GRID2: variants seen among roughly 807,000 people sequenced by gnomAD.
GRID2 encodes the protein glutamate receptor ionotropic, delta-2.
Under a neutral mutation model 114.8 loss-of-function variants are expected in GRID2, and 33 were observed. The ratio of observed to expected loss-of-function variants is 0.29; its 90% CI spans 0.22 to 0.38. GRID2 has a LOEUF of 0.38. GRID2 is among the 10% of genes least tolerant of loss of function. GRID2 has a pLI of 1.00. For missense variants in GRID2, 1,184 were observed against 1,257.7 expected, an observed-to-expected ratio of 0.94 and a Z score of 0.89; for synonymous variants, 505 against 449.9, an observed-to-expected ratio of 1.12 and a Z score of -1.55.
In GRID2 at chr4:92,569,504, G is replaced by T. The variant is rs946334989; in HGVS notation, c.89-20627G>T. Among the ~76,000 whole-genome samples, 25 of 152,092 alleles carry T rather than the reference G, an allele frequency of 1.6e-4. 1 individual carries two copies. Among genetic ancestry groups the T allele is most frequent in the African/African-American group, 5.8e-4 (24 of 41,494 alleles). Reference sequence around the variant, plus strand: ...TATATACCCAGTAGTGAGAGTGTTGGGTTAAATGGTATTTCTGTCTCTAGG... The same window carrying T: ...TATATACCCAGTAGTGAGAGTGTTGTGTTAAATGGTATTTCTGTCTCTAGG... On this transcript the variant is annotated intron_variant, in intron 1 of 15. Transcript: ENST00000282020.
chr4:93,428,772 A>G (rs1769115369), intron 10 of GRID2, among the ~76,000 whole-genome samples: 1 of 152,202 alleles, frequency 6.6e-6, no homozygotes, highest in Admixed American at 6.5e-5. Context: ...TGACTTGACA[A>G]TATTATTTTA....
chr4:93,746,323 G>A (rs1731838432), intron 14 of GRID2, among the ~76,000 whole-genome samples: 1 of 152,094 alleles, frequency 6.6e-6, no homozygotes, highest in South Asian at 2.1e-4. Flanking sequence ...CTCTTAATGA[G>A]TAGTTCTACT....
intron 1 of GRID2, among the ~76,000 whole-genome samples, chr4:92,508,718 T>C (rs115870012): frequency 0.017 from 2,551 of 151,724 alleles, 73 homozygotes; most frequent in African/African-American, 0.059. Context: ...AGTAAGGAGG[T>C]TGGATTTCAT....
In GRID2 at chr4:93,634,328, C is replaced by T. The variant is rs916253646; in HGVS notation, c.2360+7893C>T. On this transcript the variant is annotated intron_variant, in intron 14 of 15. Coordinates refer to ENST00000282020, the MANE Select transcript of GRID2 (RefSeq NM_001510.4). The stretch of plus-strand genomic sequence containing the variant: ...GAGAGATTCACATAAATAAAAACGG[C>T]CATCATGTGTTGAAAGGATGATGAG... Among the ~76,000 whole-genome samples the T allele has an allele frequency of 2.0e-5, 3 of 152,014 alleles. No homozygotes were observed. The East Asian group carries it at 5.8e-4, about 29-fold the overall frequency.
intron 1 of GRID2, among the ~76,000 whole-genome samples, chr4:92,479,642 T>C (rs1335871056): frequency 1.3e-5 from 2 of 152,174 alleles, no homozygotes; most frequent in African/African-American, 4.8e-5. Flanking sequence ...AAGAGATAGT[T>C]ATAAAGTTGC....
chr4:93,721,262 T>C (rs1729345113), intron 14 of GRID2, among the ~76,000 whole-genome samples: 2 of 152,068 alleles, frequency 1.3e-5, no homozygotes, highest in Non-Finnish European at 2.9e-5. Flanking sequence ...TATTAAATAG[T>C]CAAAAAGGGA....
chr4:92,422,983 T>C (rs1560620352), intron 1 of GRID2, among the ~76,000 whole-genome samples: 2 of 152,130 alleles, frequency 1.3e-5, no homozygotes, highest in Non-Finnish European at 2.9e-5. Context: ...ACTGTCTCAG[T>C]CATAATTTTG....
In GRID2 at chr4:92,504,920, A is replaced by G. The variant is rs1723878302; in HGVS notation, c.89-85211A>G. On this transcript the variant is annotated intron_variant, in intron 1 of 15. Coordinates refer to ENST00000282020, the MANE Select transcript of GRID2 (RefSeq NM_001510.4). The stretch of plus-strand genomic sequence containing the variant: ...TTCCAATATAAATATTTATACTAGA[A>G]AATAAAATTGTACTTGTTTTGTACC... Among the ~76,000 whole-genome samples the G allele has an allele frequency of 2.6e-5, 4 of 152,092 alleles. No individual in the cohort carries two copies. The South Asian group carries it at 8.3e-4, about 31-fold the overall frequency.
chr4:92,513,359 T>A (rs1473948843), intron 1 of GRID2, among the ~76,000 whole-genome samples: 1 of 151,838 alleles, frequency 6.6e-6, no homozygotes, highest in Non-Finnish European at 1.5e-5. Context: ...CACACCATGT[T>A]CTGCTTAATT....
chr4:92,373,026 A>G lies in GRID2; in HGVS notation c.88+68282A>G, dbSNP rs149125847. Among the ~76,000 whole-genome samples, 425 of 152,286 alleles carry G rather than the reference A, an allele frequency of 2.8e-3. 2 individuals are homozygous for G. The highest frequency in any genetic ancestry group is 9.9e-3 in the African/African-American group (412 of 41,564). Reference sequence around the variant, plus strand: ...CATTGCAACAAAGGAAACTAACACAAATGAAGAATAGGTGCTTCAGCCAGA... The same window carrying G: ...CATTGCAACAAAGGAAACTAACACAGATGAAGAATAGGTGCTTCAGCCAGA... On this transcript the variant is annotated intron_variant, in intron 1 of 15. Coordinates refer to ENST00000282020, the MANE Select transcript of GRID2 (RefSeq NM_001510.4).
At chr4:93,266,814 T>C (rs1389542284) in intron 8 of GRID2, among the ~76,000 whole-genome samples, 2 of 152,106 alleles carry the variant, frequency 1.3e-5, no homozygotes, top group African/African-American at 2.4e-5. Context: ...TAGTGTTGGG[T>C]TTTGGAGATA....
At chr4:93,580,070 G>A (rs1736808867) in intron 13 of GRID2, among the ~76,000 whole-genome samples, 3 of 152,148 alleles carry the variant, frequency 2.0e-5, no homozygotes, top group Admixed American at 6.6e-5. Flanking sequence ...TTTGTAGAAG[G>A]CACATAACAG....
At chr4:92,546,003 G>T (rs189665157) in intron 1 of GRID2, among the ~76,000 whole-genome samples, 1 of 152,182 alleles carries the variant, frequency 6.6e-6, no homozygotes, top group African/African-American at 2.4e-5. Flanking sequence ...CTTTTAAAAT[G>T]CTGCTCTTTT....
intron 2 of GRID2, among the ~76,000 whole-genome samples, chr4:92,770,824 A>G (rs1738505254): frequency 6.6e-6 from 1 of 152,210 alleles, no homozygotes; most frequent in South Asian, 2.1e-4. Context: ...TTACAACTCA[A>G]GATAAGATTT....
At chr4:92,815,059 T>C (rs939051932) in intron 2 of GRID2, among the ~76,000 whole-genome samples, 2 of 152,190 alleles carry the variant, frequency 1.3e-5, no homozygotes, top group African/African-American at 4.8e-5. Context: ...TGGCACAATA[T>C]ACTTGTTTAT....
chr4:92,436,207 G>A (rs1401195375), intron 1 of GRID2, among the ~76,000 whole-genome samples: 1 of 152,108 alleles, frequency 6.6e-6, no homozygotes, highest in African/African-American at 2.4e-5. Context: ...ATGGCAATGT[G>A]TACAGGTAAC....
At chr4:92,431,829 T>C (rs1358090713) in intron 1 of GRID2, among the ~76,000 whole-genome samples, 1 of 152,226 alleles carries the variant, frequency 6.6e-6, no homozygotes, top group Admixed American at 6.5e-5. Context: ...AGGTATTTAT[T>C]GTAGTGTTCA....
chr4:92,478,486 C>T (rs1722424513), intron 1 of GRID2, among the ~76,000 whole-genome samples: 1 of 152,044 alleles, frequency 6.6e-6, no homozygotes, highest in African/African-American at 2.4e-5. Context: ...TAAAGCTGGT[C>T]ATGCATTTTT....
intron 2 of GRID2, among the ~76,000 whole-genome samples, chr4:92,646,888 C>CTTT (rs33921659): frequency 2.0e-3 from 114 of 55,912 alleles, no homozygotes; most frequent in African/African-American, 2.9e-3. Context: ...TCTTTGAATT[C>CTTT]TTTTTTTTTT....
Sources: allele counts gnomAD v4.1 joint callset (sites outside exome capture counted in the v4.1 genomes callset), GRCh38; gene constraint gnomAD v4.1.1; transcripts MANE v1.5; gene names NCBI Gene and HGNC (gene_info 2026-07-23, HGNC 2026-07-21).